RRN3: variants seen among roughly 807,000 people sequenced by gnomAD.
RRN3 encodes RNA polymerase I transcription factor RRN3, also known as RNA polymerase I-specific transcription initiation factor RRN3.
A neutral mutation model predicts 82.3 loss-of-function variants in RRN3; 38 were observed. The ratio of observed to expected loss-of-function variants is 0.46; its 90% CI spans 0.36 to 0.61. The LOEUF (loss-of-function observed/expected upper bound fraction) is 0.61, where lower values mean the gene tolerates loss of function less well. Ranked by LOEUF, RRN3 falls within the 20% of genes least tolerant of loss-of-function variation. The probability of loss-of-function intolerance (pLI) is 0.00; values close to 1 mark genes in which losing one functional copy is unlikely to be tolerated. For missense variants in RRN3, 726 were observed against 793.1 expected, an observed-to-expected ratio of 0.92 and a Z score of 1.02; for synonymous variants, 284 against 284.3, an observed-to-expected ratio of 1.00 and a Z score of 0.01.
intron 9 of RRN3, among the ~76,000 whole-genome samples, chr16:15,079,634 C>G (rs1009158620): frequency 1.3e-5 from 2 of 151,740 alleles, no homozygotes. Context: ...GCTCTGTCGC[C>G]CAGGCTGGAG....
intron 3 of RRN3, among the ~76,000 whole-genome samples, chr16:15,088,053 T>G (rs977730205): frequency 6.6e-6 from 1 of 151,602 alleles, no homozygotes; most frequent in Non-Finnish European, 1.5e-5. Context: ...GAGGCAGAGG[T>G]TGCAGTGAGC....
Position 15,074,710 on chromosome 16 carries a change from T to C in RRN3, c.997+13A>G. ...CTGCAGGTGTTCAATAAACAGTAGCTACTGTGATTTACCATCTACATAGCA... is the reference window on the plus strand; with the variant it reads ...CTGCAGGTGTTCAATAAACAGTAGCCACTGTGATTTACCATCTACATAGCA... On this transcript the variant is annotated intron_variant, in intron 11 of 17. Transcript: ENST00000198767. The C allele has an allele frequency of 4.4e-6, 7 of 1,606,910 alleles. No individual in the cohort carries two copies. The highest frequency in any genetic ancestry group is 6.0e-6 in the Non-Finnish European group (7 of 1,175,778).
chr16:15,063,118 C>CAGTGAGA, intron 17 of RRN3, 78 bp downstream of exon 17: 1 of 1,123,024 alleles, frequency 8.9e-7, no homozygotes, highest in Non-Finnish European at 1.4e-6. Flanking sequence ...GCACGAACGA[C>CAGTGAGA]TTGCCACTTA....
rs1286877007 is a variant in RRN3 at position 15,069,910 on chromosome 16, G to A, written c.1444+160C>T. ...TCAAATCTATCTTAAGGGGTTTGTA[G>A]GGGCCTATGAGCTGCTTGAAATTAT... On this transcript the variant is annotated intron_variant, in intron 14 of 17. Transcript: ENST00000198767. Among the ~76,000 whole-genome samples the A allele has an allele frequency of 3.9e-5, 6 of 152,166 alleles. No homozygotes were observed. In the East Asian group the frequency reaches 1.2e-3, roughly 29 times the overall value.
At chr16:15,089,786 CAAAAAAAAA>C (rs142235345) in intron 3 of RRN3, among the ~76,000 whole-genome samples, 2 of 66,572 alleles carry the variant, frequency 3.0e-5, no homozygotes, top group Non-Finnish European at 2.5e-5. Flanking sequence ...GGCGACAGAG[CAAAAAAAAA>C]AAAAAAAAAA....
intron 5 of RRN3, 100 bp from the exon 6 acceptor site, chr16:15,085,798 A>T: frequency 6.6e-7 from 1 of 1,507,560 alleles, no homozygotes; most frequent in Non-Finnish European, 9.0e-7. Context: ...CAGCTATAAA[A>T]AAAGTTATTT....
chr16:15,077,056 C>T (rs1311350400), intron 9 of RRN3, among the ~76,000 whole-genome samples: 2 of 151,794 alleles, frequency 1.3e-5, no homozygotes, highest in South Asian at 2.1e-4. Flanking sequence ...CTCGGCTCAC[C>T]GCAAACTCCG....
At chr16:15,072,646 T>C (rs1042263288) in intron 12 of RRN3, among the ~76,000 whole-genome samples, 1 of 151,918 alleles carries the variant, frequency 6.6e-6, no homozygotes, top group African/African-American at 2.4e-5. Context: ...CTTCTAAAAA[T>C]ACAAAAATTA....
At chr16:15,092,178 CAAAT>C (rs1401542789) in intron 2 of RRN3, among the ~76,000 whole-genome samples, 4 of 152,002 alleles carry the variant, frequency 2.6e-5, no homozygotes, top group South Asian at 2.1e-4. Context: ...GACTCCAGCA[CAAAT>C]AAATAAATAA....
chr16:15,064,166 TTTTG>T (rs2044850175), intron 16 of RRN3, among the ~76,000 whole-genome samples: 1 of 151,942 alleles, frequency 6.6e-6, no homozygotes, highest in Non-Finnish European at 1.5e-5. Flanking sequence ...ATAAATCGCT[TTTTG>T]TTTTTTTTTT....
chr16:15,065,425 G>A (rs1008640723), intron 15 of RRN3, 54 bp from the exon 16 acceptor site: 10 of 1,531,496 alleles, frequency 6.5e-6, no homozygotes, highest in Middle Eastern at 3.5e-4. Flanking sequence ...GGAGTGACTC[G>A]GTGCAGATGT....
intron 14 of RRN3, 129 bp downstream of exon 14, chr16:15,069,941 A>G (rs2258388): frequency 5.0e-6 from 7 of 1,392,346 alleles, no homozygotes; most frequent in East Asian, 2.3e-5. Flanking sequence ...ATTATTATTA[A>G]AAGTTTGAGT....
chr16:15,092,752 C>T (rs1198209480), intron 1 of RRN3, 138 bp from the exon 2 acceptor site: 1 of 636,232 alleles, frequency 1.6e-6, no homozygotes, highest in South Asian at 2.0e-5. Flanking sequence ...CCACTCTTAA[C>T]CAACAATCCT....
At chr16:15,068,454 T>C (rs1395903959) in intron 14 of RRN3, among the ~76,000 whole-genome samples, 177 bp from the exon 15 acceptor site, 1 of 152,154 alleles carries the variant, frequency 6.6e-6, no homozygotes, top group East Asian at 1.9e-4. Flanking sequence ...CAGAAGAGTA[T>C]CACTAGGCTA....
intron 12 of RRN3, 22 bp from the exon 13 acceptor site, chr16:15,071,273 G>A: frequency 1.3e-6 from 2 of 1,580,864 alleles, no homozygotes; most frequent in Non-Finnish European, 1.7e-6. Context: ...GAGGGCGTCG[G>A]TGTGATCTTT....
intron 14 of RRN3, among the ~76,000 whole-genome samples, chr16:15,068,777 G>A (rs1304115613): frequency 2.0e-5 from 3 of 152,016 alleles, no homozygotes; most frequent in East Asian, 1.9e-4. Context: ...CTCAACGGAC[G>A]GCAAATTTAG....
intron 13 of RRN3, among the ~76,000 whole-genome samples, chr16:15,070,856 C>T (rs2045193549): frequency 6.6e-6 from 1 of 152,142 alleles, no homozygotes; most frequent in South Asian, 2.1e-4. Context: ...GTATACAACA[C>T]TGTCCTCTAT....
intron 3 of RRN3, among the ~76,000 whole-genome samples, chr16:15,088,442 C>T (rs1387727471): frequency 6.6e-6 from 1 of 152,016 alleles, no homozygotes; most frequent in East Asian, 1.9e-4. Flanking sequence ...CACTCCAGCC[C>T]GGGTGACAGA....
At chr16:15,063,567 G>A (rs1425490954) in intron 16 of RRN3, among the ~76,000 whole-genome samples, 1 of 151,876 alleles carries the variant, frequency 6.6e-6, no homozygotes, top group Non-Finnish European at 1.5e-5. Context: ...AATTAGCCGG[G>A]TGTGGTGGCG....
Sources: gnomAD v4.1 joint callset for allele counts (sites outside exome capture counted in the v4.1 genomes callset) on GRCh38, gnomAD v4.1.1 for gene constraint, MANE v1.5 for transcripts, NCBI Gene and HGNC (gene_info 2026-07-23, HGNC 2026-07-21) for gene names.